HENMT1: variants seen among roughly 807,000 people sequenced by gnomAD.
HENMT1 encodes HEN methyltransferase 1.
Under a neutral mutation model 31.1 loss-of-function variants are expected in HENMT1, and 27 were observed. The ratio of observed to expected loss-of-function variants is 0.87; its 90% CI spans 0.64 to 1.20. The LOEUF is 1.20. Ranked by LOEUF, HENMT1 falls within the 50% of genes most tolerant of loss-of-function variation. The pLI, the probability that HENMT1 is intolerant of heterozygous loss-of-function variation, is 0.00. For missense variants in HENMT1, 438 were observed against 469.6 expected (o/e 0.93, Z 0.62); for synonymous variants, 167 against 172.2 (o/e 0.97, Z 0.24).
intron 3 of HENMT1, among the ~76,000 whole-genome samples, chr1:108,656,126 T>C (rs1679572147): frequency 6.6e-6 from 1 of 152,166 alleles, no homozygotes; most frequent in Admixed American, 6.6e-5. Context: ...TTTATTTGAT[T>C]AAACAATTAC....
chr1:108,655,460 C>T, intron 4 of HENMT1, 126 bp downstream of exon 4: 2 of 524,710 alleles, frequency 3.8e-6, no homozygotes, highest in South Asian at 6.5e-5. Flanking sequence ...CCTGATTATT[C>T]AGTGAGTTGA....
At chr1:108,660,121 C>CAAAA (rs34387673) in intron 1 of HENMT1, among the ~76,000 whole-genome samples, 159 bp from the exon 2 acceptor site, 4 of 125,938 alleles carry the variant, frequency 3.2e-5, no homozygotes, top group South Asian at 2.6e-4. Flanking sequence ...TCTGAGTACT[C>CAAAA]AAAAAAAAAA....
Position 108,648,938 on chromosome 1 carries a change from C to A in HENMT1, c.810G>T (p.Val270=). 1.2e-6 allele frequency: 2 copies of A among 1,612,936 alleles called. No individual in the cohort carries two copies. The highest frequency in any genetic ancestry group is 1.3e-5 in the African/African-American group (1 of 74,982). ...SLQQERFFKL[V]LVNEVSQQVE... ...CTTGTTGGGACACCTCATTAACCAA[C>A]ACAAGTTTAAAGAACCTTTCCTGCT... Residue 270 remains valine (V), a synonymous_variant, in exon 8 of 8, where the codon GTG becomes GTT. Transcript: ENST00000651461.
At chr1:108,651,528 C>A (rs1211042257) in intron 5 of HENMT1, 1 of 184,004 alleles carries the variant, frequency 5.4e-6, no homozygotes, top group African/African-American at 2.4e-5. Flanking sequence ...GCCTGTAATC[C>A]CAGCTACTCG....
chr1:108,650,759 C>T (rs919218605), intron 6 of HENMT1, among the ~76,000 whole-genome samples: 1 of 152,152 alleles, frequency 6.6e-6, no homozygotes, highest in Non-Finnish European at 1.5e-5. Context: ...CTCACTGTCC[C>T]AAACCTTCCC....
chr1:108,653,271 C>T (rs1470511392), intron 5 of HENMT1, among the ~76,000 whole-genome samples: 1 of 152,132 alleles, frequency 6.6e-6, no homozygotes, highest in Non-Finnish European at 1.5e-5. Flanking sequence ...CTGCCTCGGC[C>T]TCCCAAAGTG....
Position 108,657,444 on chromosome 1 carries a change from T to C in HENMT1, c.150+7A>G. ...ATAATTAAATGTTTGGAAAGAGAAA[T>C]ACCTACCTTCTTAGGCTCATGTTGA... On this transcript the variant is annotated splice_region_variant and intron_variant, in intron 3 of 7. Coordinates refer to ENST00000651461, the MANE Select transcript of HENMT1 (RefSeq NM_001102592.2). The C allele has an allele frequency of 6.3e-7, 1 of 1,592,252 alleles. No homozygotes were observed.
At chr1:108,654,988 G>T in intron 4 of HENMT1, 138 bp from the exon 5 acceptor site, 1 of 876,690 alleles carries the variant, frequency 1.1e-6, no homozygotes, top group Non-Finnish European at 1.7e-6. Flanking sequence ...TCCTTGTCTT[G>T]ACATATTAAA....
intron 4 of HENMT1, 114 bp downstream of exon 4, chr1:108,655,472 G>C: frequency 1.8e-6 from 1 of 550,408 alleles, no homozygotes. Context: ...GTGAGTTGAA[G>C]ATCCCTAATG....
rs9988420 is a variant in HENMT1 at position 108,654,729 on chromosome 1, T to C, written c.385A>G (p.Thr129Ala). The C allele has an allele frequency of 4.0e-4, 650 of 1,614,088 alleles. 2 individuals carry two copies. The African/African-American group carries it at 7.7e-3, about 19-fold the overall frequency. Residue 129 changes from threonine (T) to alanine (A), a missense_variant, in exon 5 of 8, where the codon ACG becomes GCG. Transcript: ENST00000651461. The part of the protein sequence containing the change: ...DSRLLGFDLI[T>A]CIELIEHLDS... ...TTTAAAACTTACAATTCAATACACG[T>C]TATCAAGTCAAATCCAAGCAAACGA...
At chr1:108,657,417 T>C in intron 3 of HENMT1, 34 bp downstream of exon 3, 1 of 1,524,408 alleles carries the variant, frequency 6.6e-7, no homozygotes, top group Non-Finnish European at 9.1e-7. Flanking sequence ...CTACTAGTCT[T>C]AATAATTAAA....
chr1:108,649,318 TG>T (rs1657975175), intron 7 of HENMT1: 2 of 477,418 alleles, frequency 4.2e-6, no homozygotes, highest in Non-Finnish European at 4.1e-6. Context: ...AGGGAAAACG[TG>T]GGTAAGTGCA....
intron 7 of HENMT1, chr1:108,649,919 G>A: frequency 4.4e-6 from 2 of 450,280 alleles, no homozygotes; most frequent in South Asian, 3.8e-5. Flanking sequence ...CTCCCAACAT[G>A]CTAGGATCAC....
chr1:108,650,473 G>C (rs569017926), intron 6 of HENMT1, 85 bp from the exon 7 acceptor site: 1 of 1,203,602 alleles, frequency 8.3e-7, no homozygotes, highest in Non-Finnish European at 1.2e-6. Context: ...AGCAGTAAAA[G>C]AGAACATGAA....
rs115173381 is a variant in HENMT1, at chr1:108,660,643, G to C, written c.-79+320C>G. 6.4e-3 allele frequency among the ~76,000 whole-genome samples: 977 copies of C among 152,312 alleles called. 10 individuals are homozygous for C. The highest frequency in any genetic ancestry group is 0.022 in the African/African-American group (933 of 41,562). On this transcript the variant is annotated intron_variant, in intron 1 of 7. Coordinates refer to ENST00000651461, the MANE Select transcript of HENMT1 (RefSeq NM_001102592.2). ...TCACCAACTTGTATTAAGAAACCCTGGCCGGGCGCGGTGGCTCACGCCTGT... is the reference window on the plus strand; with the variant it reads ...TCACCAACTTGTATTAAGAAACCCTCGCCGGGCGCGGTGGCTCACGCCTGT...
intron 6 of HENMT1, among the ~76,000 whole-genome samples, 156 bp downstream of exon 6, chr1:108,650,874 T>C (rs1315334804): frequency 4.6e-5 from 7 of 152,262 alleles, no homozygotes; most frequent in Non-Finnish European, 1.0e-4. Context: ...CAATGGTTCC[T>C]TTGTGATCTT....
intron 7 of HENMT1, chr1:108,649,331 T>C (rs1451818166): frequency 4.3e-6 from 2 of 470,082 alleles, no homozygotes; most frequent in Non-Finnish European, 4.2e-6. Context: ...GTAAGTGCAG[T>C]GACTCACACC....
chr1:108,659,945 G>C lies in HENMT1; in HGVS notation c.-61C>G. ...TTTATCCTTCAAGCTCTATTTGAGA[G>C]AATCAGCACTGACTCAGCTGTAATA... On this transcript the variant is annotated 5_prime_UTR_variant, in exon 2 of 8. Transcript: ENST00000651461. 6.4e-7 allele frequency: 1 copy of C among 1,552,286 alleles called. No individual in the cohort carries two copies. Among genetic ancestry groups the C allele is most frequent in the South Asian group, 1.2e-5 (1 of 82,176 alleles).
In HENMT1 at chr1:108,659,965, G is replaced by A; in HGVS notation, c.-78-3C>T. ...TGAGAGAATCAGCACTGACTCAGCT[G>A]TAATAAATACAAAACCGTTTTTGTA... On this transcript the variant is annotated splice_region_variant and splice_polypyrimidine_tract_variant and intron_variant, in intron 1 of 7. Transcript: ENST00000651461. 3 of 1,487,060 alleles carry A rather than the reference G, an allele frequency of 2.0e-6. No individual in the cohort carries two copies. The highest frequency in any genetic ancestry group is 2.7e-6 in the Non-Finnish European group (3 of 1,119,368). The allele number at this position is 1,487,060 out of a possible 1,614,324, so 92.1% of individuals were successfully genotyped here.
Sources: gnomAD v4.1 joint callset for allele counts (sites outside exome capture counted in the v4.1 genomes callset) on GRCh38, gnomAD v4.1.1 for gene constraint, MANE v1.5 for transcripts, NCBI Gene and HGNC (gene_info 2026-07-23, HGNC 2026-07-21) for gene names.